The following ADGRD1 variants were observed in gnomAD, a reference collection of about 807,000 sequenced individuals.
ADGRD1 encodes the protein G-protein coupled receptor 133.
In ADGRD1, 77 loss-of-function variants were observed where a neutral mutation model predicts 113.4. The ratio of observed to expected loss-of-function variants is 0.68; its 90% confidence interval spans 0.57 to 0.82. The LOEUF (loss-of-function observed/expected upper bound fraction) is 0.82, where lower values mean the gene tolerates loss of function less well. Among genes scored for constraint, ADGRD1 ranks in the 40% least tolerant of loss-of-function variants. ADGRD1 has a pLI of 0.00. For synonymous variants in ADGRD1, 474 were observed against 475.0 expected (o/e 1.00, Z 0.03); for missense variants, 1,036 against 1,139.1 (o/e 0.91, Z 1.30).
chr12:131,100,191 T>G (rs1950037950), intron 15 of ADGRD1, among the ~76,000 whole-genome samples: 1 of 152,048 alleles, frequency 6.6e-6, no homozygotes, highest in African/African-American at 2.4e-5. Context: ...AAGGTGAGTT[T>G]ATGATGAGTT....
intron 5 of ADGRD1, among the ~76,000 whole-genome samples, chr12:130,983,064 G>C (rs954887954): frequency 4.6e-5 from 7 of 152,202 alleles, no homozygotes; most frequent in African/African-American, 1.4e-4. Flanking sequence ...ACCCAAACAG[G>C]CTGGATCAAA....
rs552353187 is a variant in ADGRD1, at chr12:131,123,039, G to GTTTTTTTTTTTTTTTTTTT, written c.2175+2142_2175+2160dup. ...ATTACATAATTGAATTACCTGGGGA[G>GTTTTTTTTTTTTTTTTTTT]TTTTTTTTTTTTTTTTTTTTTTTTT... On this transcript the variant is annotated intron_variant, in intron 20 of 24. Coordinates refer to ENST00000261654, the MANE Select transcript of ADGRD1 (RefSeq NM_198827.5). 4.1e-4 allele frequency among the ~76,000 whole-genome samples: 21 copies of GTTTTTTTTTTTTTTTTTTT among 51,368 alleles called. 1 individual carries two copies. Among genetic ancestry groups the GTTTTTTTTTTTTTTTTTTT allele is most frequent in the South Asian group, 8.8e-4 (1 of 1,130 alleles). 33.7% of individuals were successfully genotyped at this position (51,368 alleles called of 152,430 possible).
intron 6 of ADGRD1, chr12:130,990,073 A>G (rs1299318705): frequency 6.6e-6 from 1 of 151,946 alleles, no homozygotes; most frequent in African/African-American, 2.4e-5. Flanking sequence ...ACTATCCCTC[A>G]CTCTGCTTTG....
intron 9 of ADGRD1, chr12:131,002,635 T>C (rs1876531492): frequency 9.0e-7 from 1 of 1,106,890 alleles, no homozygotes; most frequent in Non-Finnish European, 1.1e-6. Flanking sequence ...TCTACCAGGA[T>C]CCTCTGCTCT....
intron 13 of ADGRD1, among the ~76,000 whole-genome samples, chr12:131,066,774 G>A (rs1009060179): frequency 9.9e-5 from 15 of 152,168 alleles, no homozygotes; most frequent in African/African-American, 3.1e-4. Context: ...GTGGGGCATC[G>A]GGGGAGAGGC....
chr12:131,120,991 C>G, intron 20 of ADGRD1, 78 bp downstream of exon 20: 3 of 1,329,764 alleles, frequency 2.3e-6, no homozygotes, highest in Non-Finnish European at 3.2e-6. Context: ...CTGGAGATGG[C>G]GGGGGGCTCC....
Position 130,954,556 on chromosome 12 carries a change from G to A in ADGRD1, c.66+25G>A, listed in dbSNP as rs988331334. The A allele has an allele frequency of 1.2e-6, 2 of 1,613,634 alleles. No individual in the cohort carries two copies. The highest frequency in any genetic ancestry group is 1.3e-5 in the African/African-American group (1 of 74,914). ...GGTAATGTCCCCAAGTGGCCAGGAT[G>A]GCGACAGGCTTGGTTTCTCCGGAGG... is the stretch of plus-strand genomic sequence containing the variant. On this transcript the variant is annotated intron_variant, in intron 1 of 24. Coordinates refer to ENST00000261654, the MANE Select transcript of ADGRD1 (RefSeq NM_198827.5). The surrounding 1 kb of genome is among the most constrained non-coding windows in gnomAD (Gnocchi z 4.7).
chr12:131,008,565 GCTCCTGT>G (rs1342428741), intron 12 of ADGRD1, among the ~76,000 whole-genome samples: 5 of 152,220 alleles, frequency 3.3e-5, no homozygotes, highest in Non-Finnish European at 5.9e-5. Flanking sequence ...CCATTCCAGG[GCTCCTGT>G]GATGACGGAG....
intron 13 of ADGRD1, among the ~76,000 whole-genome samples, chr12:131,016,643 A>G (rs1878606199): frequency 2.0e-5 from 3 of 152,246 alleles, no homozygotes; most frequent in Non-Finnish European, 2.9e-5. Context: ...CTGTAATCCC[A>G]GCACTTCGGG....
chr12:131,040,441 AATC>A (rs1476524292), intron 13 of ADGRD1, among the ~76,000 whole-genome samples: 1 of 152,230 alleles, frequency 6.6e-6, no homozygotes, highest in African/African-American at 2.4e-5. Context: ...ATCTCCATAA[AATC>A]ATGTGTTTGG....
intron 13 of ADGRD1, among the ~76,000 whole-genome samples, chr12:131,056,051 C>T (rs1350347161): frequency 1.3e-5 from 2 of 152,166 alleles, no homozygotes; most frequent in African/African-American, 4.8e-5. Flanking sequence ...GATATGGTCC[C>T]CTGGGGGCAA....
Position 131,084,462 on chromosome 12 carries a change from T to TG in ADGRD1, c.1548-72dup. ...CATGAGTTCACGGGGCCATGTGTTA[T>TG]GGGGGGTGCTGCTCTCAGTCCCCTG... On this transcript the variant is annotated intron_variant, in intron 14 of 24. Transcript: ENST00000261654. The surrounding 1 kb of genome is among the most constrained non-coding windows in gnomAD (Gnocchi z 4.5). The TG allele has an allele frequency of 2.6e-6, 4 of 1,524,934 alleles. No homozygotes were observed. Among genetic ancestry groups the TG allele is most frequent in the Admixed American group, 1.7e-5 (1 of 59,708 alleles). 94.5% of individuals were successfully genotyped at this position (1,524,934 alleles called of 1,614,324 possible).
Position 130,966,347 on chromosome 12 carries a change from C to T in ADGRD1, c.104-116C>T. 4 of 664,066 alleles carry T rather than the reference C, an allele frequency of 6.0e-6. No individual in the cohort carries two copies. Among genetic ancestry groups the T allele is most frequent in the Non-Finnish European group, 1.1e-5 (4 of 365,690 alleles). 41.1% of individuals were successfully genotyped at this position (664,066 alleles called of 1,614,324 possible). On this transcript the variant is annotated intron_variant, in intron 2 of 24. Transcript: ENST00000261654. This position sits in a 1 kb window ranked among gnomAD's most constrained non-coding sequence, Gnocchi z 4.6. ...TTATTAAATATGCTTTCAGTATCTCCCACAGACATGGGATCCTTTTACTCT... is the reference window on the plus strand; with the variant it reads ...TTATTAAATATGCTTTCAGTATCTCTCACAGACATGGGATCCTTTTACTCT...
intron 21 of ADGRD1, among the ~76,000 whole-genome samples, chr12:131,132,103 G>A (rs1313881418): frequency 6.6e-6 from 1 of 152,194 alleles, no homozygotes; most frequent in Non-Finnish European, 1.5e-5. Context: ...AGCAGCTGGG[G>A]GGCGGCAACG....
At chr12:130,967,082 G>A (rs1055580214) in intron 3 of ADGRD1, 6 of 454,418 alleles carry the variant, frequency 1.3e-5, no homozygotes, top group African/African-American at 8.0e-5. Flanking sequence ...TGTTTTCTAC[G>A]TTGAATGGAC....
chr12:131,080,028 G>A (rs1885944833), intron 14 of ADGRD1, among the ~76,000 whole-genome samples: 1 of 151,954 alleles, frequency 6.6e-6, no homozygotes, highest in African/African-American at 2.4e-5. Flanking sequence ...AGTTTAATTT[G>A]CTCTTCATTT....
At chr12:130,981,595 A>G (rs2136594764) in intron 4 of ADGRD1, among the ~76,000 whole-genome samples, 1 of 152,246 alleles carries the variant, frequency 6.6e-6, no homozygotes. Context: ...CCTTGAGTGA[A>G]TGAGCCTCAG....
chr12:130,982,117 C>T (rs768066798), intron 5 of ADGRD1, 54 bp downstream of exon 5: 5 of 1,473,588 alleles, frequency 3.4e-6, no homozygotes, highest in Non-Finnish European at 4.6e-6. Context: ...GGAGTCTTCT[C>T]TGAGAATGGA....
intron 8 of ADGRD1, among the ~76,000 whole-genome samples, chr12:130,992,852 A>G (rs1452171564): frequency 1.3e-5 from 2 of 152,206 alleles, no homozygotes; most frequent in Non-Finnish European, 2.9e-5. Flanking sequence ...TAAAATCAAG[A>G]TGGTTTCTCT....
Sources: allele counts gnomAD v4.1 joint callset (sites outside exome capture counted in the v4.1 genomes callset), GRCh38; gene constraint gnomAD v4.1.1; non-coding constraint Gnocchi (gnomAD v3.1); transcripts MANE v1.5; gene names NCBI Gene and HGNC (gene_info 2026-07-23, HGNC 2026-07-21).